MYCBP2: variants seen among roughly 807,000 people sequenced by gnomAD.
MYCBP2 encodes E3 ubiquitin-protein ligase MYCBP2.
A neutral mutation model predicts 525.3 loss-of-function variants in MYCBP2; 120 were observed. The observed-to-expected ratio is 0.23, with a 90% CI of 0.20 to 0.27. MYCBP2 has a LOEUF of 0.27. MYCBP2 is among the 10% of genes least tolerant of loss of function. The probability of loss-of-function intolerance (pLI) is 1.00; values close to 1 mark genes in which losing one functional copy is unlikely to be tolerated. For missense variants in MYCBP2, 4,149 were observed against 5,657.1 expected, an observed-to-expected ratio of 0.73 and a Z score of 8.55; for synonymous variants, 1,894 against 1,955.8, an observed-to-expected ratio of 0.97 and a Z score of 0.83.
rs1310085854 is a variant in MYCBP2, at chr13:77,125,422, A to G, written c.7931T>C (p.Met2644Thr). ...GTWVQLDQNS[M>T]VEFCESDEGE... ...TTCATCACTCTCACAGAACTCTACC[A>G]TGCTGTTCTGATCCAGTTGCACCCA... is the stretch of plus-strand genomic sequence containing the variant. The change falls in exon 54 of 83, where the codon ATG becomes ACG. Residue 2644 changes from methionine to threonine, a missense_variant. By Grantham distance (81) the Met-to-Thr change is moderately conservative. Around this residue, in one of 21 missense-constraint regions of MYCBP2, gnomAD observed 653 missense variants for 744.7 expected, o/e 0.88. Coordinates refer to ENST00000544440, the MANE Select transcript of MYCBP2 (RefSeq NM_015057.5). 1.9e-6 allele frequency: 3 copies of G among 1,613,906 alleles called. No homozygotes were observed. Among genetic ancestry groups the G allele is most frequent in the Non-Finnish European group, 2.5e-6 (3 of 1,179,818 alleles).
At chr13:77,096,875 C>T (rs1342169628) in intron 56 of MYCBP2, among the ~76,000 whole-genome samples, 20 of 152,032 alleles carry the variant, frequency 1.3e-4, no homozygotes, top group Non-Finnish European at 2.9e-5. Context: ...AAAAAATTAA[C>T]CAAATTTGTA....
intron 42 of MYCBP2, 123 bp from the exon 43 acceptor site, chr13:77,164,664 G>A (rs1050333837): frequency 1.5e-6 from 1 of 681,390 alleles, no homozygotes; most frequent in African/African-American, 1.8e-5. Flanking sequence ...TGAAGCTAAT[G>A]GTTAAATTGA....
At chr13:77,100,028 A>G (rs2154131985) in intron 55 of MYCBP2, 1 of 152,194 alleles carries the variant, frequency 6.6e-6, no homozygotes, top group Middle Eastern at 3.4e-3. Flanking sequence ...AAGTGATACC[A>G]GTTAGTTGTT....
At chr13:77,325,973 G>A (rs756099277) in intron 1 of MYCBP2, among the ~76,000 whole-genome samples, 14 of 152,132 alleles carry the variant, frequency 9.2e-5, no homozygotes, top group Admixed American at 7.2e-4. Context: ...CTTGGTGAAA[G>A]GCAGATTGAA....
intron 15 of MYCBP2, among the ~76,000 whole-genome samples, chr13:77,246,057 G>C (rs2069874225): frequency 6.6e-6 from 1 of 152,090 alleles, no homozygotes; most frequent in Non-Finnish European, 1.5e-5. Flanking sequence ...CTTGGGGTCA[G>C]GGAAAGTAAC....
intron 26 of MYCBP2, among the ~76,000 whole-genome samples, chr13:77,199,668 G>A (rs993160590): frequency 7.2e-5 from 11 of 152,194 alleles, no homozygotes; most frequent in African/African-American, 2.2e-4. Flanking sequence ...GAGAGCAGTG[G>A]TTCTCCCAGC....
chr13:77,095,012 T>A (rs1436640986), intron 58 of MYCBP2, among the ~76,000 whole-genome samples: 1 of 152,116 alleles, frequency 6.6e-6, no homozygotes, highest in Non-Finnish European at 1.5e-5. Flanking sequence ...ATTTACGAAA[T>A]AAAAGACTGC....
At chr13:77,049,888 G>A (rs922586236) in intron 82 of MYCBP2, among the ~76,000 whole-genome samples, 3 of 152,042 alleles carry the variant, frequency 2.0e-5, no homozygotes, top group Non-Finnish European at 4.4e-5. Flanking sequence ...CACCTGCTTC[G>A]GTCTCCCATA....
At chr13:77,076,952 C>T (rs1198478772) in intron 67 of MYCBP2, 103 bp from the exon 68 acceptor site, 4 of 1,119,484 alleles carry the variant, frequency 3.6e-6, no homozygotes, top group African/African-American at 1.6e-5. Context: ...ATATGCTACT[C>T]TTGCTAATAT....
rs771458249 is a variant in MYCBP2 at position 77,087,545 on chromosome 13, G to C, written c.10814C>G (p.Pro3605Arg). Residue 3605 changes from proline (P) to arginine (R), a missense_variant, in exon 62 of 83, where the codon CCA (proline) becomes CGA (arginine). Physicochemically the swap from Pro to Arg is moderately radical, Grantham distance 103 (BLOSUM62 -2). Coordinates refer to ENST00000544440, the MANE Select transcript of MYCBP2 (RefSeq NM_015057.5). ...WHFVASLTPAPVEPEEEEDEE... is the reference protein window; with the variant it reads ...WHFVASLTPARVEPEEEEDEE... The stretch of plus-strand genomic sequence containing the variant: ...ATCCTCTTCTTCCTCTGGTTCCACT[G>C]GTGCAGGAGTCAGTGATGCCACAAA... The C allele has an allele frequency of 6.2e-7, 1 of 1,613,062 alleles. No individual in the cohort carries two copies. Among genetic ancestry groups the C allele is most frequent in the Non-Finnish European group, 8.5e-7 (1 of 1,179,500 alleles).
chr13:77,065,937 T>C, intron 72 of MYCBP2, 55 bp downstream of exon 72: 2 of 1,321,194 alleles, frequency 1.5e-6, no homozygotes, highest in Non-Finnish European at 2.2e-6. Flanking sequence ...AGTAAGCTGT[T>C]TTGTGTCAGC....
At chr13:77,298,943 C>G (rs926157752) in intron 1 of MYCBP2, among the ~76,000 whole-genome samples, 1 of 152,130 alleles carries the variant, frequency 6.6e-6, no homozygotes, top group Non-Finnish European at 1.5e-5. Flanking sequence ...TGTGAAGCAT[C>G]AGGGATGGTC....
At chr13:77,301,608 C>T (rs2078821128) in intron 1 of MYCBP2, among the ~76,000 whole-genome samples, 1 of 152,092 alleles carries the variant, frequency 6.6e-6, no homozygotes. Flanking sequence ...GGAGAAAACA[C>T]ATGATCTGAA....
intron 3 of MYCBP2, among the ~76,000 whole-genome samples, chr13:77,284,924 T>C (rs1443416897): frequency 6.6e-6 from 1 of 152,226 alleles, no homozygotes; most frequent in African/African-American, 2.4e-5. Context: ...GTAATTTTAA[T>C]GGTGTTTGAA....
At chr13:77,160,732 G>A (rs1044041289) in intron 44 of MYCBP2, among the ~76,000 whole-genome samples, 2 of 152,146 alleles carry the variant, frequency 1.3e-5, no homozygotes, top group African/African-American at 4.8e-5. Context: ...ACCTAGTATA[G>A]AAAATAAGTA....
At chr13:77,057,142 C>A (rs188409648) in intron 78 of MYCBP2, 49 bp from the exon 79 acceptor site, 625 of 1,310,666 alleles carry the variant, frequency 4.8e-4, no homozygotes, top group Non-Finnish European at 6.4e-4. Context: ...TAATGATAAA[C>A]AGTTGAGTGA....
At position 77,081,747 on chromosome 13, in the gene MYCBP2, GGATCAAATTGATTAT is replaced by G; in HGVS notation, c.11193+75_11193+89del. 1 of 1,531,294 alleles carries G rather than the reference GGATCAAATTGATTAT, an allele frequency of 6.5e-7. No homozygotes were observed. The highest frequency in any genetic ancestry group is 8.8e-7 in the Non-Finnish European group (1 of 1,134,622). 94.9% of individuals were successfully genotyped at this position (1,531,294 alleles called of 1,614,324 possible). On this transcript the variant is annotated intron_variant, in intron 64 of 82. Coordinates refer to ENST00000544440, the MANE Select transcript of MYCBP2 (RefSeq NM_015057.5). This position sits in a 1 kb window ranked among gnomAD's most constrained non-coding sequence, Gnocchi z 4.6. ...ATAAGATAAAACATAATGGAAGACA[GGATCAAATTGATTAT>G]GAATAACTTACAGTTTCTCCTTTGA... is the stretch of plus-strand genomic sequence containing the variant.
In MYCBP2 at chr13:77,251,349, C is replaced by T; in HGVS notation, c.2183G>A (p.Gly728Glu). 1 of 1,613,836 alleles carries T rather than the reference C, an allele frequency of 6.2e-7. No individual in the cohort carries two copies. The highest frequency in any genetic ancestry group is 8.5e-7 in the Non-Finnish European group (1 of 1,179,844). ...GAMNQGGKGF[G>E]VENMATAMDE... The stretch of plus-strand genomic sequence containing the variant: ...CATTGCTGTTGCCATATTTTCAACT[C>T]CAAACCCTATTTGACAGATCAATTT... Residue 728 changes from glycine (G) to glutamate (E), a missense_variant, in exon 15 of 83, where the codon GGA becomes GAA. By Grantham distance (98) the Gly-to-Glu change is moderately conservative. Transcript: ENST00000544440.
intron 65 of MYCBP2, among the ~76,000 whole-genome samples, chr13:77,079,123 G>C (rs1477953696): frequency 6.6e-6 from 1 of 152,060 alleles, no homozygotes; most frequent in Non-Finnish European, 1.5e-5. Flanking sequence ...CTCTCTCACA[G>C]CTTGACATTC....
Sources: allele counts gnomAD v4.1 joint callset (sites outside exome capture counted in the v4.1 genomes callset), GRCh38; gene constraint gnomAD v4.1.1; regional missense constraint gnomAD v4.1.1; non-coding constraint Gnocchi (gnomAD v3.1); transcripts MANE v1.5; gene names NCBI Gene and HGNC (gene_info 2026-07-23, HGNC 2026-07-21).